The following NFU1 variants were observed in gnomAD, a reference collection of about 807,000 sequenced individuals.
NFU1 encodes NFU1 iron-sulfur cluster scaffold.
NFU1 carries 30 observed loss-of-function variants against 32.2 expected under a neutral mutation model. That is an observed-to-expected ratio of 0.93 (90% CI 0.70 to 1.26). The LOEUF is 1.26. Among genes scored for constraint, NFU1 ranks in the 50% most tolerant of loss-of-function variants. The pLI is 0.00. For missense variants in NFU1, 306 were observed against 306.6 expected, an observed-to-expected ratio of 1.00 and a Z score of 0.02; for synonymous variants, 112 against 104.6, an observed-to-expected ratio of 1.07 and a Z score of -0.43.
At chr2:69,412,068 G>C (rs1167698465) in intron 5 of NFU1, among the ~76,000 whole-genome samples, 1 of 151,996 alleles carries the variant, frequency 6.6e-6, no homozygotes, top group African/African-American at 2.4e-5. Flanking sequence ...TTTTTTGGCG[G>C]GGGGACGGAG....
intron 3 of NFU1, 98 bp downstream of exon 3, chr2:69,423,484 G>T: frequency 9.2e-7 from 1 of 1,087,890 alleles, no homozygotes; most frequent in Non-Finnish European, 1.3e-6. Flanking sequence ...AAAATGCAGT[G>T]CACATAGAAA....
intron 2 of NFU1, among the ~76,000 whole-genome samples, chr2:69,427,868 C>G (rs1673517288): frequency 6.6e-6 from 1 of 150,800 alleles, no homozygotes; most frequent in Middle Eastern, 3.2e-3. Context: ...TGTAAAAATA[C>G]AAAAATTAGC....
At chr2:69,413,077 G>C (rs747272859) in intron 5 of NFU1, among the ~76,000 whole-genome samples, 5 of 151,084 alleles carry the variant, frequency 3.3e-5, no homozygotes, top group Non-Finnish European at 7.4e-5. Context: ...GATGGATCAG[G>C]AGTTCAAGAC....
chr2:69,403,753 CT>C (rs1373875747), intron 6 of NFU1, among the ~76,000 whole-genome samples: 1 of 152,092 alleles, frequency 6.6e-6, no homozygotes, highest in Non-Finnish European at 1.5e-5. Flanking sequence ...TTTCTACTGA[CT>C]TAAATTCCAG....
intron 2 of NFU1, among the ~76,000 whole-genome samples, chr2:69,424,488 C>T (rs941024109): frequency 5.3e-5 from 8 of 151,912 alleles, no homozygotes; most frequent in East Asian, 1.9e-4. Context: ...CAGGGTCTCA[C>T]GCTATTGCCC....
chr2:69,414,823 T>G (rs1266738360), intron 5 of NFU1, among the ~76,000 whole-genome samples: 1 of 152,056 alleles, frequency 6.6e-6, no homozygotes, highest in Non-Finnish European at 1.5e-5. Context: ...TCTGACACTG[T>G]ATGTTTAATA....
chr2:69,435,282 GGTCA>G (rs1673792411), intron 1 of NFU1, among the ~76,000 whole-genome samples: 1 of 152,176 alleles, frequency 6.6e-6, no homozygotes. Flanking sequence ...GCAAAATGAT[GGTCA>G]GTTAGAACGG....
chr2:69,404,177 T>C (rs1672618921), intron 6 of NFU1, among the ~76,000 whole-genome samples: 1 of 151,122 alleles, frequency 6.6e-6, no homozygotes, highest in East Asian at 2.0e-4. Context: ...TTATAGATAT[T>C]TCCATGTACA....
chr2:69,412,852 T>TCCAGTTTGG (rs1218062148), intron 5 of NFU1, among the ~76,000 whole-genome samples: 1 of 112,058 alleles, frequency 8.9e-6, no homozygotes. Flanking sequence ...AGCAGGTCAC[T>TCCAGTTTGG]GTCTCAAAAA....
chr2:69,425,764 G>T (rs563527497), intron 2 of NFU1, among the ~76,000 whole-genome samples: 55 of 152,128 alleles, frequency 3.6e-4, no homozygotes, highest in African/African-American at 1.3e-3. Flanking sequence ...GGGATTACAG[G>T]CATGAGCCAC....
upstream of NFU1, chr2:69,437,462 C>A: frequency 4.4e-6 from 7 of 1,601,106 alleles, no homozygotes; most frequent in Non-Finnish European, 5.1e-6. Flanking sequence ...GACAGAACCA[C>A]GAAAGATCTG....
chr2:69,430,976 GAC>G lies in NFU1; in HGVS notation c.166+924_166+925del, dbSNP rs377708965. Among the ~76,000 whole-genome samples, 8 of 152,176 alleles carry G rather than the reference GAC, an allele frequency of 5.3e-5. 1 individual carries two copies. The highest frequency in any genetic ancestry group is 1.9e-4 in the African/African-American group (8 of 41,516). On this transcript the variant is annotated intron_variant, in intron 2 of 7. Transcript: ENST00000410022. The stretch of plus-strand genomic sequence containing the variant: ...ACATTTACATACATACACACATGCA[GAC>G]ACACATACCCTCTCCCCTTAAACTT...
rs1015433342 is a variant in NFU1, at chr2:69,427,220, T to A, written c.167-3503A>T. On this transcript the variant is annotated intron_variant, in intron 2 of 7. Transcript: ENST00000410022. ...GGCCAACATGGTGAAACCCCGTCTC[T>A]ACTAAAAATACAAAATTAACCGGGC... 8.7e-5 allele frequency among the ~76,000 whole-genome samples: 13 copies of A among 149,742 alleles called. 1 individual carries two copies. Among genetic ancestry groups the A allele is most frequent in the Admixed American group, 8.7e-4 (13 of 15,026 alleles).
intron 1 of NFU1, among the ~76,000 whole-genome samples, chr2:69,434,056 T>A (rs1673743880): frequency 6.6e-6 from 1 of 152,144 alleles, no homozygotes; most frequent in Admixed American, 6.5e-5. Flanking sequence ...GTGCTGGGAT[T>A]ATAGGCGTGA....
chr2:69,437,748 T>G, upstream of NFU1: 1 of 472,562 alleles, frequency 2.1e-6, no homozygotes, highest in Non-Finnish European at 3.9e-6. Flanking sequence ...GAATGCTGTT[T>G]CCAGCCCCTA....
chr2:69,404,980 G>T (rs1672650790), intron 6 of NFU1, among the ~76,000 whole-genome samples: 1 of 151,792 alleles, frequency 6.6e-6, no homozygotes, highest in African/African-American at 2.4e-5. Context: ...TGGGCGCAGT[G>T]GCTCATGTCT....
At chr2:69,410,586 T>C (rs1672847122) in intron 5 of NFU1, among the ~76,000 whole-genome samples, 1 of 152,194 alleles carries the variant, frequency 6.6e-6, no homozygotes, top group African/African-American at 2.4e-5. Context: ...ATAAGGTTAT[T>C]TTAAGAATTA....
intron 1 of NFU1, among the ~76,000 whole-genome samples, chr2:69,436,389 A>G (rs1457031102): frequency 6.6e-6 from 1 of 152,228 alleles, no homozygotes; most frequent in Non-Finnish European, 1.5e-5. Context: ...CTCAGTATCT[A>G]AATCTGTGAA....
chr2:69,405,603 G>T (rs1672669520), intron 6 of NFU1, among the ~76,000 whole-genome samples: 1 of 152,076 alleles, frequency 6.6e-6, no homozygotes, highest in Non-Finnish European at 1.5e-5. Flanking sequence ...CATGACTATT[G>T]GTCTGCTACA....
Sources: gnomAD v4.1 joint callset for allele counts (sites outside exome capture counted in the v4.1 genomes callset) on GRCh38, gnomAD v4.1.1 for gene constraint, MANE v1.5 for transcripts, NCBI Gene and HGNC (gene_info 2026-07-23, HGNC 2026-07-21) for gene names.